BICC1: variants seen among roughly 807,000 people sequenced by gnomAD.
The protein encoded by BICC1 is protein bicaudal C homolog 1.
BICC1 carries 43 observed loss-of-function variants against 111.0 expected under a neutral mutation model. The ratio of observed to expected loss-of-function variants is 0.39; its 90% CI spans 0.30 to 0.50. The LOEUF is 0.50. BICC1 is among the 20% of genes least tolerant of loss of function. The pLI is 0.88. For synonymous variants in BICC1, 467 were observed against 434.4 expected (o/e 1.07, Z -0.93); for missense variants, 1,091 against 1,203.2 (o/e 0.91, Z 1.38).
intron 1 of BICC1, among the ~76,000 whole-genome samples, chr10:58,572,392 C>G (rs533139555): frequency 6.6e-6 from 1 of 152,014 alleles, no homozygotes; most frequent in African/African-American, 2.4e-5. Flanking sequence ...AATATTTGCC[C>G]CTTTCTATGT....
intron 1 of BICC1, among the ~76,000 whole-genome samples, chr10:58,533,104 T>A (rs1233540527): frequency 6.6e-6 from 1 of 151,836 alleles, no homozygotes; most frequent in Non-Finnish European, 1.5e-5. Flanking sequence ...TATGAGAGTG[T>A]TTTGAGAAAC....
intron 1 of BICC1, among the ~76,000 whole-genome samples, chr10:58,546,562 G>T (rs1843142086): frequency 6.6e-6 from 1 of 151,256 alleles, no homozygotes; most frequent in African/African-American, 2.5e-5. Context: ...GGTAGCAGGT[G>T]GTGCTTACAG....
intron 1 of BICC1, among the ~76,000 whole-genome samples, chr10:58,583,110 A>G (rs534275022): frequency 2.0e-5 from 3 of 152,300 alleles, no homozygotes; most frequent in African/African-American, 7.2e-5. Context: ...TTCCTCTATC[A>G]GTTGAAGAAA....
intron 2 of BICC1, among the ~76,000 whole-genome samples, chr10:58,701,080 A>G (rs186460731): frequency 2.6e-5 from 4 of 152,284 alleles, no homozygotes; most frequent in Admixed American, 2.0e-4. Flanking sequence ...GCCAGTACTG[A>G]GGAGAAAAAG....
intron 20 of BICC1, among the ~76,000 whole-genome samples, chr10:58,825,696 A>G (rs1283149964): frequency 1.3e-5 from 2 of 152,200 alleles, no homozygotes; most frequent in African/African-American, 4.8e-5. Context: ...TATCCGCTTA[A>G]AGCACTATAT....
Position 58,513,274 on chromosome 10 carries a change from C to A in BICC1, c.131C>A (p.Pro44Gln). The A allele has an allele frequency of 6.2e-7, 1 of 1,612,900 alleles. No homozygotes were observed. The part of the protein sequence containing the change: ...DLVAGATLHS[P>Q]EWSEERFRVD... ...GTCGCCGGGGCGACCCTGCACAGCC[C>A]GGAGTGGAGCGAGGAGCGCTTCCGC... Residue 44 changes from proline to glutamine, a missense_variant, in exon 1 of 21, where the codon CCG (proline) becomes CAG (glutamine). Coordinates refer to ENST00000373886, the MANE Select transcript of BICC1 (RefSeq NM_001080512.3).
At chr10:58,657,162 C>T (rs186160417) in intron 2 of BICC1, among the ~76,000 whole-genome samples, 15 of 152,186 alleles carry the variant, frequency 9.9e-5, no homozygotes, top group East Asian at 3.9e-4. Context: ...CTTGCCTGGG[C>T]GAGATGCATT....
intron 2 of BICC1, among the ~76,000 whole-genome samples, chr10:58,647,754 A>T (rs1414763664): frequency 6.6e-6 from 1 of 152,004 alleles, no homozygotes; most frequent in Non-Finnish European, 1.5e-5. Context: ...ATGTGTGCTT[A>T]AGGGATTTGA....
chr10:58,680,369 G>A (rs577729545), intron 2 of BICC1, among the ~76,000 whole-genome samples: 1 of 152,254 alleles, frequency 6.6e-6, no homozygotes, highest in African/African-American at 2.4e-5. Flanking sequence ...AAAATCACAA[G>A]CATTCCTATA....
intron 1 of BICC1, among the ~76,000 whole-genome samples, chr10:58,535,366 C>G (rs1029101896): frequency 6.8e-6 from 1 of 148,096 alleles, no homozygotes; most frequent in African/African-American, 2.5e-5. Flanking sequence ...TAAGGAAAAC[C>G]TAGCAGACTA....
At chr10:58,657,497 C>G (rs12569625) in intron 2 of BICC1, among the ~76,000 whole-genome samples, 23,290 of 152,124 alleles carry the variant, frequency 0.15, 1,913 homozygotes, top group African/African-American at 0.17. Context: ...TGCAGGTACA[C>G]TGTGATTGAG....
At chr10:58,601,140 T>TATATATATATATA (rs1554810885) in intron 1 of BICC1, among the ~76,000 whole-genome samples, 22 of 100,656 alleles carry the variant, frequency 2.2e-4, no homozygotes, top group South Asian at 6.3e-4. Context: ...ATTTTAAAAC[T>TATATATATATATA]TATATATATA....
intron 2 of BICC1, among the ~76,000 whole-genome samples, chr10:58,697,007 G>T (rs1840084024): frequency 6.6e-6 from 1 of 152,106 alleles, no homozygotes; most frequent in African/African-American, 2.4e-5. Context: ...TTAACTGACA[G>T]CATGATATTT....
chr10:58,743,782 T>TC (rs917151868), intron 3 of BICC1, among the ~76,000 whole-genome samples: 2 of 151,240 alleles, frequency 1.3e-5, no homozygotes, highest in Admixed American at 6.6e-5. Flanking sequence ...CTTTTCTTTT[T>TC]TTTTTTTTTT....
intron 1 of BICC1, among the ~76,000 whole-genome samples, chr10:58,613,227 T>G (rs1300155834): frequency 6.6e-6 from 1 of 152,312 alleles, no homozygotes; most frequent in East Asian, 1.9e-4. Flanking sequence ...TTGCTTTCAT[T>G]GGCAGGAATA....
chr10:58,756,219 C>T (rs1264221268), intron 3 of BICC1, among the ~76,000 whole-genome samples: 1 of 151,670 alleles, frequency 6.6e-6, no homozygotes, highest in Non-Finnish European at 1.5e-5. Flanking sequence ...GGCAATAGAT[C>T]TTCTTTCCCA....
chr10:58,631,908 C>T (rs1207867282), intron 2 of BICC1, among the ~76,000 whole-genome samples: 1 of 152,096 alleles, frequency 6.6e-6, no homozygotes, highest in African/African-American at 2.4e-5. Flanking sequence ...TTATGTTTTC[C>T]TATTGGCATT....
intron 2 of BICC1, among the ~76,000 whole-genome samples, chr10:58,627,582 C>T (rs979460362): frequency 7.9e-5 from 12 of 152,114 alleles, no homozygotes; most frequent in Non-Finnish European, 1.5e-4. Context: ...AATATGCAAA[C>T]GTAAACATTT....
intron 1 of BICC1, among the ~76,000 whole-genome samples, chr10:58,528,788 T>C (rs1453614153): frequency 3.3e-5 from 5 of 151,984 alleles, no homozygotes; most frequent in Non-Finnish European, 5.9e-5. Flanking sequence ...ATTCCGGGTC[T>C]TCTGCACAGT....
Sources: allele counts gnomAD v4.1 joint callset (sites outside exome capture counted in the v4.1 genomes callset), GRCh38; gene constraint gnomAD v4.1.1; transcripts MANE v1.5; gene names NCBI Gene and HGNC (gene_info 2026-07-23, HGNC 2026-07-21).